ESRRG: variants seen among roughly 807,000 people sequenced by gnomAD.
ESRRG encodes estrogen-related receptor gamma.
Under a neutral mutation model 44.0 loss-of-function variants are expected in ESRRG, and 13 were observed. That is an observed-to-expected ratio of 0.30 (90% CI 0.19 to 0.47). The LOEUF (loss-of-function observed/expected upper bound fraction) is 0.47, where lower values mean the gene tolerates loss of function less well. Ranked by LOEUF, ESRRG falls within the 20% of genes least tolerant of loss-of-function variation. The pLI is 1.00. For missense variants in ESRRG, 395 were observed against 580.6 expected, an observed-to-expected ratio of 0.68 and a Z score of 3.29; for synonymous variants, 215 against 214.6, an observed-to-expected ratio of 1.00 and a Z score of -0.02.
chr1:216,817,057 G>C (rs530639169), intron 2 of ESRRG, among the ~76,000 whole-genome samples: 22 of 143,518 alleles, frequency 1.5e-4, no homozygotes, highest in Non-Finnish European at 2.6e-4. Flanking sequence ...GAAAGAAAAT[G>C]ATAAAAAAAA....
intron 2 of ESRRG, among the ~76,000 whole-genome samples, chr1:216,929,518 T>C (rs1213598690): frequency 6.6e-6 from 1 of 152,084 alleles, no homozygotes; most frequent in African/African-American, 2.4e-5. Context: ...TGAAGAAATG[T>C]TTTTAAGCTG....
At chr1:216,872,164 C>T (rs2096267866) in intron 2 of ESRRG, among the ~76,000 whole-genome samples, 1 of 152,150 alleles carries the variant, frequency 6.6e-6, no homozygotes, top group African/African-American at 2.4e-5. Flanking sequence ...GAGAAATCTA[C>T]AGTCATTTAA....
intron 1 of ESRRG, among the ~76,000 whole-genome samples, chr1:217,032,629 A>T (rs901627481): frequency 1.3e-5 from 2 of 152,220 alleles, no homozygotes; most frequent in Non-Finnish European, 2.9e-5. Flanking sequence ...TATTCTGTAC[A>T]TATAAACCTA....
In ESRRG at chr1:216,983,094, G is replaced by T. The variant is rs2074265514; in HGVS notation, c.-105-43421C>A. Among the ~76,000 whole-genome samples, 3 of 145,670 alleles carry T rather than the reference G, an allele frequency of 2.1e-5. No individual in the cohort carries two copies. In the Admixed American group the frequency reaches 2.1e-4, roughly 10 times the overall value. Reference sequence around the variant, plus strand: ...ACTTTCTTATCTGTAAAGTGGGAATGCTACTACATACCTGATGTGTAACAT... The same window carrying T: ...ACTTTCTTATCTGTAAAGTGGGAATTCTACTACATACCTGATGTGTAACAT... On this transcript the variant is annotated intron_variant, in intron 1 of 7. Coordinates refer to the ESRRG transcript ENST00000359162.
chr1:216,839,251 T>C (rs1042154312), intron 2 of ESRRG, among the ~76,000 whole-genome samples: 1 of 152,214 alleles, frequency 6.6e-6, no homozygotes, highest in African/African-American at 2.4e-5. Flanking sequence ...TCCTTTTCCA[T>C]TCAAATTTTA....
chr1:217,081,221 C>CCTTTTTTTTT (rs750003890), intron 1 of ESRRG, among the ~76,000 whole-genome samples: 2 of 70,410 alleles, frequency 2.8e-5, no homozygotes, highest in African/African-American at 1.2e-4. Flanking sequence ...TAAAAATATT[C>CCTTTTTTTTT]TTTTTTTTTT....
chr1:216,912,761 T>C (rs1257416859), intron 2 of ESRRG, among the ~76,000 whole-genome samples: 2 of 152,132 alleles, frequency 1.3e-5, no homozygotes, highest in Non-Finnish European at 2.9e-5. Flanking sequence ...CAATTACATA[T>C]ATATACACAC....
At chr1:216,632,080 A>G (rs962864733) in intron 3 of ESRRG, among the ~76,000 whole-genome samples, 4 of 152,230 alleles carry the variant, frequency 2.6e-5, no homozygotes, top group Non-Finnish European at 5.9e-5. Flanking sequence ...CAATAAAAGA[A>G]TCTTATATTT....
chr1:217,062,612 A>G (rs1343584238), intron 1 of ESRRG, among the ~76,000 whole-genome samples: 2 of 152,194 alleles, frequency 1.3e-5, no homozygotes, highest in Admixed American at 6.5e-5. Context: ...GCAGAGAAAA[A>G]TCTGTTCTCA....
intron 1 of ESRRG, among the ~76,000 whole-genome samples, chr1:217,067,603 G>A (rs1023897422): frequency 6.6e-6 from 1 of 152,094 alleles, no homozygotes; most frequent in Non-Finnish European, 1.5e-5. Flanking sequence ...CTATCTACCT[G>A]GAATCTATGG....
intron 1 of ESRRG, among the ~76,000 whole-genome samples, chr1:217,058,813 A>G (rs899202137): frequency 6.6e-6 from 1 of 151,486 alleles, no homozygotes; most frequent in African/African-American, 2.4e-5. Context: ...GGCTAAATAA[A>G]ACTCGGTAAA....
At chr1:217,040,053 G>C (rs1171653803) in intron 1 of ESRRG, among the ~76,000 whole-genome samples, 99 of 152,180 alleles carry the variant, frequency 6.5e-4, no homozygotes, top group Non-Finnish European at 1.5e-5. Flanking sequence ...CAGAGAGTGT[G>C]TGTAAGGTGA....
chr1:216,918,434 CCTAT>C (rs2061444491), intron 2 of ESRRG, among the ~76,000 whole-genome samples: 2 of 152,148 alleles, frequency 1.3e-5, no homozygotes, highest in African/African-American at 2.4e-5. Context: ...CTATGTGTTA[CCTAT>C]TTTTAAGGCT....
rs201260010 is a variant in ESRRG at position 216,939,343 on chromosome 1, C to CAAAAAAAAAAAAAAAAAAAAAAAAA, written c.-14+214_-14+238dup. Among the ~76,000 whole-genome samples the CAAAAAAAAAAAAAAAAAAAAAAAAA allele has an allele frequency of 3.6e-4, 18 of 50,080 alleles. No homozygotes were observed. In the East Asian group the frequency reaches 3.8e-3, roughly 11 times the overall value. The allele number at this position is 50,080 out of a possible 152,430, so 32.9% of individuals were successfully genotyped here. A position where few individuals can be genotyped will look rare whatever the true frequency, so the allele number is the denominator to read the frequency against. Reference sequence around the variant, plus strand: ...TCTTCCAGAATATCCTACACATAGACAAAAAAAAAAAAAAAAAAAAAAAAA... The same window carrying CAAAAAAAAAAAAAAAAAAAAAAAAA: ...TCTTCCAGAATATCCTACACATAGACAAAAAAAAAAAAAAAAAAAAAAAAAAAAAAAAAAAAAAAAAAAAAAAAAA... On this transcript the variant is annotated intron_variant, in intron 2 of 7. Coordinates refer to the ESRRG transcript ENST00000359162.
intron 2 of ESRRG, among the ~76,000 whole-genome samples, chr1:216,747,128 C>A (rs187299782): frequency 2.9e-4 from 44 of 152,264 alleles, no homozygotes; most frequent in Admixed American, 2.9e-3. Flanking sequence ...CACCCCTAAT[C>A]TGATTTTACC....
intron 1 of ESRRG, among the ~76,000 whole-genome samples, chr1:217,127,034 GATTA>G (rs1432038339): frequency 4.6e-5 from 7 of 152,160 alleles, no homozygotes; most frequent in Non-Finnish European, 1.0e-4. Flanking sequence ...CTGCCTAAAA[GATTA>G]ATTATTAGAG....
intron 2 of ESRRG, among the ~76,000 whole-genome samples, chr1:216,884,768 C>G (rs1038292828): frequency 2.6e-5 from 4 of 152,162 alleles, no homozygotes; most frequent in African/African-American, 9.7e-5. Context: ...GCTGTAATTG[C>G]AGTGAGGTTT....
At chr1:216,889,003 C>T (rs2057418450) in intron 2 of ESRRG, among the ~76,000 whole-genome samples, 1 of 152,146 alleles carries the variant, frequency 6.6e-6, no homozygotes, top group Admixed American at 6.5e-5. Flanking sequence ...TCCCAATCCT[C>T]AGAAGAATGA....
At chr1:217,036,399 C>T (rs566207169) in intron 1 of ESRRG, among the ~76,000 whole-genome samples, 6 of 152,136 alleles carry the variant, frequency 3.9e-5, no homozygotes, top group Non-Finnish European at 8.8e-5. Context: ...ATAGCAAAGA[C>T]ATGGAATCAA....
Sources: allele counts gnomAD v4.1 joint callset (sites outside exome capture counted in the v4.1 genomes callset), GRCh38; gene constraint gnomAD v4.1.1; transcripts MANE v1.5; gene names NCBI Gene and HGNC (gene_info 2026-07-23, HGNC 2026-07-21).